Variants in SAE1 observed in about 807,000 individuals in gnomAD.
SAE1 encodes the protein SUMO1 activating enzyme subunit 1.
In SAE1, 11 loss-of-function variants were observed where a neutral mutation model predicts 40.6. The ratio of observed to expected loss-of-function variants is 0.27; its 90% CI spans 0.17 to 0.45. The LOEUF (loss-of-function observed/expected upper bound fraction) is 0.45. Among genes scored for constraint, SAE1 ranks in the 20% least tolerant of loss-of-function variants. The pLI is 1.00. For synonymous variants in SAE1, 155 were observed against 154.3 expected (o/e 1.00, Z -0.03); for missense variants, 373 against 427.3 (o/e 0.87, Z 1.12).
chr19:47,186,055 C>G (rs557258542), intron 6 of SAE1, among the ~76,000 whole-genome samples: 2 of 151,406 alleles, frequency 1.3e-5, no homozygotes, highest in Non-Finnish European at 3.0e-5. Flanking sequence ...GCCTGGCTAA[C>G]ATGGTGAAAC....
intron 1 of SAE1, chr19:47,131,248 C>A: frequency 1.6e-6 from 2 of 1,212,538 alleles, no homozygotes; most frequent in Non-Finnish European, 2.1e-6. Flanking sequence ...AGGATGGGAG[C>A]TCTGAAGGGG....
intron 1 of SAE1, among the ~76,000 whole-genome samples, chr19:47,139,195 G>A (rs1036752318): frequency 2.0e-5 from 3 of 151,976 alleles, no homozygotes; most frequent in Non-Finnish European, 4.4e-5. Context: ...CAAGTGATCC[G>A]ACCGCCTCGG....
rs1352602546 is a variant in SAE1 at position 47,139,584 on chromosome 19, A to G, written c.99-3910A>G. ...ATGGACAATGCTGCTGTGAATGTGTATCTTTTTTTTTTTTTTTTTTTGAGA... is the reference window on the plus strand; with the variant it reads ...ATGGACAATGCTGCTGTGAATGTGTGTCTTTTTTTTTTTTTTTTTTTGAGA... On this transcript the variant is annotated intron_variant, in intron 1 of 8. Coordinates refer to ENST00000270225, the MANE Select transcript of SAE1 (RefSeq NM_005500.3). Among the ~76,000 whole-genome samples the G allele has an allele frequency of 3.1e-5, 4 of 128,692 alleles. No homozygotes were observed. In the South Asian group the frequency reaches 7.4e-4, roughly 24 times the overall value. 84.4% of individuals were successfully genotyped at this position (128,692 alleles called of 152,430 possible). A position where few individuals can be genotyped will look rare whatever the true frequency, so the allele number is the denominator to read the frequency against.
chr19:47,186,251 TAAAA>T (rs71180804), intron 6 of SAE1, among the ~76,000 whole-genome samples: 1 of 148,744 alleles, frequency 6.7e-6, no homozygotes, highest in Non-Finnish European at 1.5e-5. Context: ...AAAATAAAAA[TAAAA>T]AAAAAATAAT....
chr19:47,169,959 T>G lies in SAE1; in HGVS notation c.733+36T>G, dbSNP rs572657441. 4.0e-6 allele frequency: 6 copies of G among 1,499,612 alleles called. No individual in the cohort carries two copies. The African/African-American group carries it at 6.9e-5, about 17-fold the overall frequency. 92.9% of individuals were successfully genotyped at this position (1,499,612 alleles called of 1,614,324 possible). A position where few individuals can be genotyped will look rare whatever the true frequency, so the allele number is the denominator to read the frequency against. On this transcript the variant is annotated intron_variant, in intron 6 of 8. Transcript: ENST00000270225. ...AAAGCACAACTTACCCCGGGAGAGC[T>G]TTTGGCTCTGATTTCTGCAAATGTG...
intron 6 of SAE1, among the ~76,000 whole-genome samples, chr19:47,172,855 T>C (rs1233218304): frequency 2.0e-5 from 3 of 151,782 alleles, no homozygotes; most frequent in East Asian, 3.9e-4. Flanking sequence ...GCGTTTTCCA[T>C]GTATATCACC....
chr19:47,152,643 G>C (rs1342784759), intron 3 of SAE1, among the ~76,000 whole-genome samples: 1 of 152,098 alleles, frequency 6.6e-6, no homozygotes, highest in Non-Finnish European at 1.5e-5. Flanking sequence ...TTGTTGAATG[G>C]CTTTTACTTT....
intron 5 of SAE1, among the ~76,000 whole-genome samples, chr19:47,159,400 A>G (rs1450317066): frequency 1.3e-5 from 2 of 152,016 alleles, no homozygotes; most frequent in Admixed American, 6.6e-5. Flanking sequence ...CCCCGCTTCC[A>G]TTTTAAGCTC....
chr19:47,156,045 CTT>C (rs796392383), intron 5 of SAE1, among the ~76,000 whole-genome samples: 2 of 148,984 alleles, frequency 1.3e-5, no homozygotes, highest in African/African-American at 2.5e-5. Flanking sequence ...GACCAGAAAA[CTT>C]TTTTTTTTAA....
chr19:47,175,751 A>G (rs565543417), intron 6 of SAE1, among the ~76,000 whole-genome samples: 77 of 152,336 alleles, frequency 5.1e-4, no homozygotes, highest in Middle Eastern at 3.4e-3. Flanking sequence ...TAAAATAAAT[A>G]AAATATCTCT....
chr19:47,166,400 A>G (rs775527513), intron 5 of SAE1, among the ~76,000 whole-genome samples: 1 of 152,188 alleles, frequency 6.6e-6, no homozygotes, highest in Non-Finnish European at 1.5e-5. Flanking sequence ...TCAAGACAGG[A>G]TAATACAATA....
intron 8 of SAE1, among the ~76,000 whole-genome samples, chr19:47,206,114 C>T (rs2123329432): frequency 6.6e-6 from 1 of 152,338 alleles, no homozygotes; most frequent in South Asian, 2.1e-4. Flanking sequence ...TTTCTCACAT[C>T]CCCATCCTCA....
chr19:47,199,970 C>G (rs1432291514), intron 7 of SAE1, among the ~76,000 whole-genome samples: 1 of 151,602 alleles, frequency 6.6e-6, no homozygotes, highest in Non-Finnish European at 1.5e-5. Context: ...TCGCTCTGTC[C>G]CCCAGGCTGG....
At chr19:47,182,495 G>A (rs1374714933) in intron 6 of SAE1, among the ~76,000 whole-genome samples, 2 of 142,196 alleles carry the variant, frequency 1.4e-5, no homozygotes, top group African/African-American at 5.7e-5. Flanking sequence ...GTGTGTGTGT[G>A]TGCGCGCACG....
intron 6 of SAE1, among the ~76,000 whole-genome samples, chr19:47,186,668 G>A (rs764117601): frequency 1.3e-5 from 2 of 152,098 alleles, no homozygotes; most frequent in Admixed American, 6.6e-5. Flanking sequence ...TTCATCCGGC[G>A]CCTCGGAACC....
At chr19:47,131,118 A>T in intron 1 of SAE1, 90 bp downstream of exon 1, 1 of 1,441,186 alleles carries the variant, frequency 6.9e-7, no homozygotes, top group East Asian at 2.7e-5. Flanking sequence ...GGAAGGTGTG[A>T]TTTGAAGGGA....
At chr19:47,193,657 C>G (rs2058593891) in intron 6 of SAE1, among the ~76,000 whole-genome samples, 1 of 151,208 alleles carries the variant, frequency 6.6e-6, no homozygotes, top group East Asian at 1.9e-4. Flanking sequence ...GAAACCCCAT[C>G]TCTACTAAAA....
chr19:47,166,926 A>G (rs900825651), intron 5 of SAE1, among the ~76,000 whole-genome samples: 4 of 152,016 alleles, frequency 2.6e-5, no homozygotes, highest in African/African-American at 9.7e-5. Context: ...CCACCTAAAC[A>G]TGACTGTTTA....
chr19:47,170,119 A>C (rs902237850), intron 6 of SAE1, among the ~76,000 whole-genome samples, 196 bp downstream of exon 6: 35 of 152,162 alleles, frequency 2.3e-4, no homozygotes, highest in African/African-American at 7.9e-4. Flanking sequence ...GGTTCTAATG[A>C]CTTCTCCTTT....
Sources: allele counts gnomAD v4.1 joint callset (sites outside exome capture counted in the v4.1 genomes callset), GRCh38; gene constraint gnomAD v4.1.1; transcripts MANE v1.5; gene names NCBI Gene and HGNC (gene_info 2026-07-23, HGNC 2026-07-21).